SIPA1L1: variants seen among roughly 807,000 people sequenced by gnomAD.
The protein encoded by SIPA1L1 is signal induced proliferation associated 1 like 1.
A neutral mutation model predicts 162.7 loss-of-function variants in SIPA1L1; 26 were observed. That is an observed-to-expected ratio of 0.16 (90% confidence interval 0.12 to 0.22). The LOEUF is 0.22. SIPA1L1 is among the 10% of genes least tolerant of loss of function. SIPA1L1 has a pLI of 1.00. For synonymous variants in SIPA1L1, 829 were observed against 837.4 expected (o/e 0.99, Z 0.17); for missense variants, 1,874 against 2,241.0 (o/e 0.84, Z 3.31).
In SIPA1L1 at chr14:71,709,438, T is replaced by G. The variant is rs760463431; in HGVS notation, c.3982T>G (p.Ser1328Ala). 1.9e-6 allele frequency: 3 copies of G among 1,614,168 alleles called. No homozygotes were observed. The highest frequency in any genetic ancestry group is 2.5e-6 in the Non-Finnish European group (3 of 1,180,026). ...AGCCTCGCTGGGGGCTGCCACATCG[T>G]CACCTCGCTCAGGGCCAGGCAAGGA... ...STASLGAATS[S>A]PRSGPGKEKV... Residue 1328 changes from serine to alanine, a missense_variant, in exon 17 of 24, where the codon TCA (serine) becomes GCA (alanine). Physicochemically the swap from Ser to Ala is moderately conservative, Grantham distance 99 (BLOSUM62 1). This residue lies in a region of SIPA1L1 where 936 missense variants were observed against 1,051.9 expected (regional missense o/e 0.89). Transcript: ENST00000381232.
chr14:71,425,660 T>A (rs1444467178), intron 2 of SIPA1L1, among the ~76,000 whole-genome samples: 1 of 152,178 alleles, frequency 6.6e-6, no homozygotes, highest in East Asian at 1.9e-4. Context: ...TCCCATATGC[T>A]TTTAAGAAGA....
Position 71,588,794 on chromosome 14 carries a change from G to A in SIPA1L1, c.922G>A (p.Gly308Arg). The A allele has an allele frequency of 6.2e-7, 1 of 1,614,088 alleles. No individual in the cohort carries two copies. Among genetic ancestry groups the A allele is most frequent in the Non-Finnish European group, 8.5e-7 (1 of 1,179,990 alleles). The change falls in exon 5 of 24, where the codon GGG becomes AGG. Residue 308 changes from glycine to arginine, a missense_variant. By Grantham distance (125) the Gly-to-Arg change is moderately radical. Coordinates refer to ENST00000381232, the MANE Select transcript of SIPA1L1 (RefSeq NM_001386936.1). This position sits in a 1 kb window ranked among gnomAD's most constrained non-coding sequence, Gnocchi z 4.3. ...KLRNAKGEELGKSSDLEDNRS... is the reference protein window; with the variant it reads ...KLRNAKGEELRKSSDLEDNRS... The stretch of plus-strand genomic sequence containing the variant: ...GCGCAATGCCAAAGGTGAAGAACTT[G>A]GGAAGTCATCAGATCTTGAAGATAA...
At chr14:71,601,603 C>G (rs1387782570) in intron 5 of SIPA1L1, among the ~76,000 whole-genome samples, 1 of 152,146 alleles carries the variant, frequency 6.6e-6, no homozygotes, top group Non-Finnish European at 1.5e-5. Context: ...ATGCTGACCT[C>G]ATAGAATGAG....
chr14:71,702,305 C>T, intron 14 of SIPA1L1, 76 bp from the exon 15 acceptor site: 1 of 1,521,886 alleles, frequency 6.6e-7, no homozygotes, highest in Non-Finnish European at 9.0e-7. Context: ...AAATTTAGTT[C>T]ATTACACCCA....
intron 7 of SIPA1L1, among the ~76,000 whole-genome samples, chr14:71,628,527 G>T (rs564535951): frequency 2.0e-5 from 3 of 152,192 alleles, no homozygotes; most frequent in Non-Finnish European, 1.5e-5. Context: ...AAGTAAGCAG[G>T]ACTGTTTCAA....
intron 7 of SIPA1L1, among the ~76,000 whole-genome samples, chr14:71,626,617 A>C (rs898744353): frequency 1.3e-5 from 2 of 152,192 alleles, no homozygotes; most frequent in Admixed American, 6.5e-5. Context: ...AATCATTGCA[A>C]AGCATTTTTA....
intron 10 of SIPA1L1, among the ~76,000 whole-genome samples, chr14:71,666,085 A>G (rs2043975901): frequency 6.6e-6 from 1 of 152,314 alleles, no homozygotes; most frequent in African/African-American, 2.4e-5. Flanking sequence ...GGATTTAAGC[A>G]TTGATCATCA....
intron 2 of SIPA1L1, among the ~76,000 whole-genome samples, chr14:71,489,431 C>T (rs757414724): frequency 1.3e-5 from 2 of 152,086 alleles, no homozygotes; most frequent in Non-Finnish European, 2.9e-5. Flanking sequence ...AGTATGGTTT[C>T]TCTACACTAA....
intron 2 of SIPA1L1, among the ~76,000 whole-genome samples, chr14:71,466,690 A>T (rs1351386988): frequency 6.6e-6 from 1 of 151,938 alleles, no homozygotes; most frequent in African/African-American, 2.4e-5. Context: ...ATTTGTATGC[A>T]TTATGAACTA....
chr14:71,634,443 T>A (rs2040915650), intron 7 of SIPA1L1, among the ~76,000 whole-genome samples: 1 of 150,982 alleles, frequency 6.6e-6, no homozygotes, highest in South Asian at 2.1e-4. Flanking sequence ...AAGAACAATT[T>A]GAATCACAGA....
intron 12 of SIPA1L1, among the ~76,000 whole-genome samples, chr14:71,675,863 C>T (rs2045111741): frequency 6.6e-6 from 1 of 152,174 alleles, no homozygotes; most frequent in South Asian, 2.1e-4. Flanking sequence ...ATACAAACAC[C>T]CCCAGGATCT....
intron 16 of SIPA1L1, 96 bp downstream of exon 16, chr14:71,705,436 A>G: frequency 1.1e-6 from 1 of 912,580 alleles, no homozygotes; most frequent in Non-Finnish European, 1.8e-6. Context: ...GCATGGCCAA[A>G]GAGGAAATCA....
chr14:71,540,995 G>A (rs1358286100), intron 4 of SIPA1L1, among the ~76,000 whole-genome samples: 4 of 152,122 alleles, frequency 2.6e-5, no homozygotes, highest in African/African-American at 9.7e-5. Flanking sequence ...AGACGTGGTG[G>A]CACACACCTG....
chr14:71,629,601 G>A (rs1392601684), intron 7 of SIPA1L1, among the ~76,000 whole-genome samples: 1 of 152,190 alleles, frequency 6.6e-6, no homozygotes, highest in Non-Finnish European at 1.5e-5. Flanking sequence ...AATATTTAAG[G>A]TACAGTTGCT....
chr14:71,703,882 C>CT (rs912440765), intron 15 of SIPA1L1, among the ~76,000 whole-genome samples: 8 of 152,174 alleles, frequency 5.3e-5, no homozygotes, highest in African/African-American at 1.4e-4. Flanking sequence ...TCCCTCTAGT[C>CT]TTTTTTTCCC....
chr14:71,501,820 T>C (rs1330710695), intron 2 of SIPA1L1, among the ~76,000 whole-genome samples: 1 of 151,882 alleles, frequency 6.6e-6, no homozygotes, highest in Non-Finnish European at 1.5e-5. Flanking sequence ...TTCCAGGAGT[T>C]TGAGACCAGC....
At chr14:71,390,755 A>T (rs2040679672) in intron 2 of SIPA1L1, among the ~76,000 whole-genome samples, 1 of 152,152 alleles carries the variant, frequency 6.6e-6, no homozygotes, top group African/African-American at 2.4e-5. Flanking sequence ...ACTACCCTTC[A>T]GCCTGGGTGA....
intron 4 of SIPA1L1, among the ~76,000 whole-genome samples, chr14:71,539,637 GAC>G (rs2054205840): frequency 1.3e-5 from 2 of 152,184 alleles, no homozygotes; most frequent in South Asian, 4.1e-4. Context: ...CTGTTTCTCT[GAC>G]AGATGGATTT....
At chr14:71,450,849 C>T (rs970763059) in intron 2 of SIPA1L1, among the ~76,000 whole-genome samples, 1 of 152,078 alleles carries the variant, frequency 6.6e-6, no homozygotes. Context: ...TATGGAGGTT[C>T]CTTAAATTAT....
Sources: gnomAD v4.1 joint callset for allele counts (sites outside exome capture counted in the v4.1 genomes callset) on GRCh38, gnomAD v4.1.1 for gene constraint, gnomAD v4.1.1 regional missense constraint, Gnocchi (gnomAD v3.1) non-coding constraint, MANE v1.5 for transcripts, NCBI Gene and HGNC (gene_info 2026-07-23, HGNC 2026-07-21) for gene names.